SOX5: variants seen among roughly 807,000 people sequenced by gnomAD.
The protein encoded by SOX5 is transcription factor SOX-5.
In SOX5, 9 loss-of-function variants were observed where a neutral mutation model predicts 92.0. That is an observed-to-expected ratio of 0.10 (90% CI 0.06 to 0.17). The LOEUF (loss-of-function observed/expected upper bound fraction) is 0.17, where lower values mean the gene tolerates loss of function less well. Ranked by LOEUF, SOX5 falls within the 10% of genes least tolerant of loss-of-function variation. The pLI, the probability that SOX5 is intolerant of heterozygous loss-of-function variation, is 1.00. For synonymous variants in SOX5, 344 were observed against 336.3 expected (o/e 1.02, Z -0.25); for missense variants, 642 against 944.5 (o/e 0.68, Z 4.20).
chr12:23,531,992 T>A lies in SOX5; in HGVS notation c.*2227A>T, dbSNP rs1325303671. ...TGGAGATGGAAATTTGTTTTAAATATCTAACAGCTTATTGGCTGCACTTCC... is the reference window on the plus strand; with the variant it reads ...TGGAGATGGAAATTTGTTTTAAATAACTAACAGCTTATTGGCTGCACTTCC... On this transcript the variant is annotated 3_prime_UTR_variant, in exon 15 of 15. Transcript: ENST00000451604. The A allele has an allele frequency of 6.6e-6, 1 of 150,838 alleles. No individual in the cohort carries two copies. The highest frequency in any genetic ancestry group is 1.5e-5 in the Non-Finnish European group (1 of 67,784). 9.3% of individuals were successfully genotyped at this position (150,838 alleles called of 1,614,324 possible).
chr12:24,458,787 A>T (rs781577620), intron 1 of SOX5, among the ~76,000 whole-genome samples: 9 of 152,182 alleles, frequency 5.9e-5, no homozygotes, highest in Non-Finnish European at 8.8e-5. Flanking sequence ...TAATTTGGCA[A>T]ACACTTCTCT....
At chr12:24,505,730 G>A (rs1948650500) in intron 1 of SOX5, among the ~76,000 whole-genome samples, 1 of 152,128 alleles carries the variant, frequency 6.6e-6, no homozygotes, top group African/African-American at 2.4e-5. Flanking sequence ...CGCACTATGA[G>A]TCCATCAATT....
intron 7 of SOX5, among the ~76,000 whole-genome samples, chr12:23,655,688 T>A (rs1166223502): frequency 1.3e-5 from 2 of 152,280 alleles, no homozygotes; most frequent in Non-Finnish European, 2.9e-5. Context: ...CAGGTGAGAA[T>A]AGGAAGCTTC....
chr12:24,341,187 A>T (rs1414586234), intron 2 of SOX5, among the ~76,000 whole-genome samples: 2 of 152,188 alleles, frequency 1.3e-5, no homozygotes, highest in Non-Finnish European at 2.9e-5. Context: ...ATTAATAGTA[A>T]CAATTCAGGC....
chr12:23,960,657 A>G (rs1258232067), intron 4 of SOX5, among the ~76,000 whole-genome samples: 2 of 150,880 alleles, frequency 1.3e-5, no homozygotes, highest in Non-Finnish European at 3.0e-5. Context: ...CAAGGAACTT[A>G]TCTATACACT....
intron 6 of SOX5, among the ~76,000 whole-genome samples, chr12:23,685,582 C>G (rs183020645): frequency 6.6e-6 from 1 of 152,080 alleles, no homozygotes; most frequent in African/African-American, 2.4e-5. Context: ...TAGTAAGAAC[C>G]TTACATGGTT....
chr12:24,225,981 A>G (rs1961859899), intron 3 of SOX5, among the ~76,000 whole-genome samples: 1 of 152,210 alleles, frequency 6.6e-6, no homozygotes, highest in South Asian at 2.1e-4. Flanking sequence ...TAGTACCAGT[A>G]ATATGTACAA....
At chr12:24,424,149 A>G (rs138132523) in intron 1 of SOX5, among the ~76,000 whole-genome samples, 6 of 152,290 alleles carry the variant, frequency 3.9e-5, no homozygotes, top group Non-Finnish European at 5.9e-5. Context: ...AGCATCTCCA[A>G]ATTGTTTAGA....
rs553042568 is a variant in SOX5 at position 24,119,230 on chromosome 12, G to A, written c.-2+94113C>T. 8.5e-5 allele frequency among the ~76,000 whole-genome samples: 13 copies of A among 152,164 alleles called. No homozygotes were observed. The East Asian group carries it at 1.9e-3, about 23-fold the overall frequency. The stretch of plus-strand genomic sequence containing the variant: ...ACTTCCTCTGGATGATTAATGTTTT[G>A]TATAAAGAATCTAAAATTCCTTAAT... On this transcript the variant is annotated intron_variant, in intron 4 of 4. Coordinates refer to the SOX5 transcript ENST00000446891.
At chr12:23,550,868 C>G (rs151219647) in intron 11 of SOX5, among the ~76,000 whole-genome samples, 1 of 151,956 alleles carries the variant, frequency 6.6e-6, no homozygotes, top group Non-Finnish European at 1.5e-5. Flanking sequence ...GCAGTCAAAA[C>G]AAAAGAACAC....
intron 1 of SOX5, among the ~76,000 whole-genome samples, chr12:24,458,493 T>C (rs1943267043): frequency 6.6e-6 from 1 of 152,150 alleles, no homozygotes; most frequent in Admixed American, 6.5e-5. Context: ...AGAGCTTCTT[T>C]AAAATCCTGA....
At chr12:23,572,580 A>G (rs1948544698) in intron 10 of SOX5, among the ~76,000 whole-genome samples, 1 of 152,170 alleles carries the variant, frequency 6.6e-6, no homozygotes, top group African/African-American at 2.4e-5. Context: ...AAAAATATTC[A>G]TACATGATAC....
chr12:23,739,345 T>C (rs1367161945), intron 5 of SOX5, among the ~76,000 whole-genome samples: 1 of 152,238 alleles, frequency 6.6e-6, no homozygotes, highest in Non-Finnish European at 1.5e-5. Flanking sequence ...TTGCCTCCAT[T>C]TTCCTACTAT....
In SOX5 at chr12:23,580,039, T is replaced by TA. The variant is rs1269314862; in HGVS notation, c.1165-4202dup. Among the ~76,000 whole-genome samples, 3 of 152,072 alleles carry TA rather than the reference T, an allele frequency of 2.0e-5. No homozygotes were observed. In the East Asian group the frequency reaches 5.8e-4, roughly 29 times the overall value. Reference sequence around the variant, plus strand: ...GCTCCAAACTTGTATATCATAAATATAAAATAAGCATTTATGTTTAAGTAA... The same window carrying TA: ...GCTCCAAACTTGTATATCATAAATATAAAAATAAGCATTTATGTTTAAGTAA... On this transcript the variant is annotated intron_variant, in intron 9 of 14. Transcript: ENST00000451604.
intron 1 of SOX5, among the ~76,000 whole-genome samples, chr12:24,459,785 T>C (rs1943420362): frequency 6.6e-6 from 1 of 152,190 alleles, no homozygotes; most frequent in Admixed American, 6.5e-5. Flanking sequence ...TTTTTTCAAA[T>C]TTATTTGAAC....
intron 1 of SOX5, among the ~76,000 whole-genome samples, chr12:23,912,833 G>C (rs1255291362): frequency 6.6e-6 from 1 of 152,136 alleles, no homozygotes; most frequent in Admixed American, 6.5e-5. Flanking sequence ...GGTAGGGTAT[G>C]GGGGTGGGGA....
intron 2 of SOX5, among the ~76,000 whole-genome samples, chr12:24,295,427 C>T (rs187341230): frequency 0.011 from 1,667 of 152,306 alleles, 20 homozygotes; most frequent in Non-Finnish European, 0.014. Flanking sequence ...CACTTTAATC[C>T]TGACATTTAA....
chr12:24,122,143 C>T (rs1659685649), intron 4 of SOX5, among the ~76,000 whole-genome samples: 1 of 152,192 alleles, frequency 6.6e-6, no homozygotes, highest in Admixed American at 6.5e-5. Context: ...CCCAGATCAA[C>T]TGCAGACAAG....
chr12:24,114,917 C>T (rs1451388782), intron 4 of SOX5, among the ~76,000 whole-genome samples: 3 of 138,500 alleles, frequency 2.2e-5, no homozygotes, highest in African/African-American at 7.9e-5. Context: ...GCCTGAGTGA[C>T]AGAGTGAGAC....
Sources: gnomAD v4.1 joint callset for allele counts (sites outside exome capture counted in the v4.1 genomes callset) on GRCh38, gnomAD v4.1.1 for gene constraint, MANE v1.5 for transcripts, NCBI Gene and HGNC (gene_info 2026-07-23, HGNC 2026-07-21) for gene names.